CCDC91: variants seen among roughly 807,000 people sequenced by gnomAD.
The protein encoded by CCDC91 is coiled-coil domain containing 91.
A neutral mutation model predicts 63.2 loss-of-function variants in CCDC91; 48 were observed. That is an observed-to-expected ratio of 0.76 (90% CI 0.60 to 0.97). The LOEUF (loss-of-function observed/expected upper bound fraction) is 0.97. CCDC91 is among the 50% of genes least tolerant of loss of function. CCDC91 has a pLI of 0.00. For synonymous variants in CCDC91, 167 were observed against 165.8 expected (o/e 1.01, Z -0.06); for missense variants, 500 against 494.6 (o/e 1.01, Z -0.10).
At chr12:28,481,198 C>T (rs1387647976) in intron 11 of CCDC91, among the ~76,000 whole-genome samples, 1 of 151,926 alleles carries the variant, frequency 6.6e-6, no homozygotes, top group East Asian at 1.9e-4. Context: ...TGTATTTTCA[C>T]AAATACAGCA....
intron 3 of CCDC91, among the ~76,000 whole-genome samples, chr12:28,278,669 A>G (rs1948403914): frequency 6.6e-6 from 1 of 152,026 alleles, no homozygotes; most frequent in Non-Finnish European, 1.5e-5. Context: ...CTTTTCAATT[A>G]TATTGAAGTA....
At chr12:28,255,154 C>G (rs138524247) in intron 1 of CCDC91, among the ~76,000 whole-genome samples, 225 of 152,234 alleles carry the variant, frequency 1.5e-3, no homozygotes, top group Non-Finnish European at 2.9e-3. Flanking sequence ...AGGAAACTGA[C>G]TGTATTTGGT....
chr12:28,230,309 C>T (rs1944508007), intron 1 of CCDC91, among the ~76,000 whole-genome samples: 1 of 152,106 alleles, frequency 6.6e-6, no homozygotes, highest in Non-Finnish European at 1.5e-5. Context: ...CATATTTTTG[C>T]TTCTTGGCTT....
chr12:28,206,183 C>A (rs1942833984), intron 1 of CCDC91, among the ~76,000 whole-genome samples: 1 of 152,162 alleles, frequency 6.6e-6, no homozygotes, highest in African/African-American at 2.4e-5. Context: ...CTGTTGGGGC[C>A]TAGTGAGTGA....
chr12:28,192,752 T>C (rs1019548621), intron 1 of CCDC91, among the ~76,000 whole-genome samples: 3 of 152,116 alleles, frequency 2.0e-5, no homozygotes, highest in Non-Finnish European at 2.9e-5. Context: ...CATATGTTGC[T>C]TTTTTTAAAA....
At chr12:28,303,830 G>T (rs1246436314) in intron 3 of CCDC91, among the ~76,000 whole-genome samples, 1 of 151,978 alleles carries the variant, frequency 6.6e-6, no homozygotes, top group Non-Finnish European at 1.5e-5. Context: ...TAGAGTCTAT[G>T]CTCTTAATCA....
At chr12:28,340,895 G>T (rs1942368745) in intron 6 of CCDC91, among the ~76,000 whole-genome samples, 1 of 152,184 alleles carries the variant, frequency 6.6e-6, no homozygotes, top group African/African-American at 2.4e-5. Flanking sequence ...TGTACTGGAA[G>T]AATTGGATCC....
At chr12:28,466,828 C>G (rs1370727122) in intron 11 of CCDC91, among the ~76,000 whole-genome samples, 1 of 152,042 alleles carries the variant, frequency 6.6e-6, no homozygotes, top group Non-Finnish European at 1.5e-5. Flanking sequence ...TATTGTAACA[C>G]TGTAACTTTG....
At chr12:28,327,126 A>G (rs1242975136) in intron 6 of CCDC91, among the ~76,000 whole-genome samples, 2 of 151,548 alleles carry the variant, frequency 1.3e-5, no homozygotes, top group African/African-American at 2.4e-5. Context: ...TCATAGTGAT[A>G]TAGGAGTTAA....
At position 28,429,293 on chromosome 12, in the gene CCDC91, A is replaced by G. The variant is rs188660655; in HGVS notation, c.763-20868A>G. On this transcript the variant is annotated intron_variant, in intron 8 of 12. Transcript: ENST00000536442. The stretch of plus-strand genomic sequence containing the variant: ...TTGTTTTTATCACAGTCAAGTTTTA[A>G]TCCAGTATTCTTTCTACTTTATATT... Among the ~76,000 whole-genome samples, 4 of 152,246 alleles carry G rather than the reference A, an allele frequency of 2.6e-5. No homozygotes were observed. The East Asian group carries it at 5.8e-4, about 22-fold the overall frequency.
chr12:28,439,402 G>A (rs576804714), intron 8 of CCDC91, among the ~76,000 whole-genome samples: 8 of 152,194 alleles, frequency 5.3e-5, no homozygotes, highest in African/African-American at 1.9e-4. Flanking sequence ...ATGTTAAGTG[G>A]AGGCGTATTT....
chr12:28,434,041 C>T (rs1299913923), intron 8 of CCDC91, among the ~76,000 whole-genome samples: 2 of 151,808 alleles, frequency 1.3e-5, no homozygotes, highest in Admixed American at 1.3e-4. Context: ...CTATATAAAT[C>T]TTGCGCTGTG....
In CCDC91 at chr12:28,274,029, G is replaced by A. The variant is rs181761270; in HGVS notation, c.109+14587G>A. ...AATTAATTTTTGTATAAGGTGTAAG[G>A]AAGGGATCCAGTTTCAGCTTTCTGC... On this transcript the variant is annotated intron_variant, in intron 3 of 12. Transcript: ENST00000536442. Among the ~76,000 whole-genome samples, 693 of 152,278 alleles carry A rather than the reference G, an allele frequency of 4.6e-3. 8 individuals are homozygous for A. Among genetic ancestry groups the A allele is most frequent in the African/African-American group, 0.014 (583 of 41,550 alleles).
chr12:28,259,645 A>T (rs1224380954), intron 3 of CCDC91, among the ~76,000 whole-genome samples: 2 of 151,930 alleles, frequency 1.3e-5, no homozygotes, highest in African/African-American at 4.8e-5. Flanking sequence ...CTTGAGGCTG[A>T]TTCTAAAGAT....
At chr12:28,455,640 T>C (rs1950022860) in intron 11 of CCDC91, among the ~76,000 whole-genome samples, 1 of 151,968 alleles carries the variant, frequency 6.6e-6, no homozygotes, top group African/African-American at 2.4e-5. Flanking sequence ...TAAGCAAATA[T>C]ATTAAGTTAG....
chr12:28,504,021 C>T (rs1938367759), intron 12 of CCDC91, among the ~76,000 whole-genome samples: 1 of 151,732 alleles, frequency 6.6e-6, no homozygotes, highest in African/African-American at 2.4e-5. Context: ...ACCAGCATGG[C>T]ACATGTATAC....
chr12:28,490,514 T>C (rs7300618), intron 12 of CCDC91, among the ~76,000 whole-genome samples: 13,949 of 151,784 alleles, frequency 0.092, 1,975 homozygotes, highest in African/African-American at 0.3. Flanking sequence ...TGGAAAAATA[T>C]TTGGATTTAG....
In CCDC91 at chr12:28,256,162, T is replaced by A. The variant is rs144744345; in HGVS notation, c.-14-1040T>A. The A allele has an allele frequency of 1.7e-3, 254 of 152,258 alleles. 2 individuals carry two copies. The highest frequency in any genetic ancestry group is 5.8e-3 in the African/African-American group (243 of 41,580). 9.4% of individuals were successfully genotyped at this position (152,258 alleles called of 1,614,324 possible). A position where few individuals can be genotyped will look rare whatever the true frequency, so the allele number is the denominator to read the frequency against. On this transcript the variant is annotated intron_variant, in intron 1 of 12. Transcript: ENST00000536442. ...AGGTTAAGGGGTACATGTGCAGGTTTATTACAAAGACAAACTCCTGTCATG... is the reference window on the plus strand; with the variant it reads ...AGGTTAAGGGGTACATGTGCAGGTTAATTACAAAGACAAACTCCTGTCATG...
intron 8 of CCDC91, among the ~76,000 whole-genome samples, chr12:28,393,962 A>G (rs1946109207): frequency 6.6e-6 from 1 of 152,254 alleles, no homozygotes; most frequent in African/African-American, 2.4e-5. Flanking sequence ...TTAAGAAAGC[A>G]GTTTCATTTA....
Sources: gnomAD v4.1 joint callset for allele counts (sites outside exome capture counted in the v4.1 genomes callset) on GRCh38, gnomAD v4.1.1 for gene constraint, MANE v1.5 for transcripts, NCBI Gene and HGNC (gene_info 2026-07-23, HGNC 2026-07-21) for gene names.